ZNF622: variants seen among roughly 807,000 people sequenced by gnomAD.
The protein encoded by ZNF622 is zinc finger protein 622.
In ZNF622, 34 loss-of-function variants were observed where a neutral mutation model predicts 49.7. The ratio of observed to expected loss-of-function variants is 0.68; its 90% confidence interval spans 0.52 to 0.91. The LOEUF (loss-of-function observed/expected upper bound fraction) is 0.91, where lower values mean the gene tolerates loss of function less well. Ranked by LOEUF, ZNF622 falls within the 40% of genes least tolerant of loss-of-function variation. ZNF622 has a pLI of 0.00. For synonymous variants in ZNF622, 209 were observed against 228.7 expected (o/e 0.91, Z 0.78); for missense variants, 569 against 616.4 (o/e 0.92, Z 0.81).
intron 4 of ZNF622, among the ~76,000 whole-genome samples, chr5:16,454,373 A>C (rs887659529): frequency 6.0e-5 from 9 of 150,786 alleles, no homozygotes; most frequent in Non-Finnish European, 7.4e-5. Context: ...CTGTAGTCCC[A>C]GCTACTCGGG....
Position 16,465,082 on chromosome 5 carries a change from T to C in ZNF622, c.584A>G (p.Glu195Gly). ...QQAKKLAKQQ[E>G]EDSEEEEEDL... The stretch of plus-strand genomic sequence containing the variant: ...CTCTTCCTCCTCCTCGCTGTCCTCC[T>C]CCTGCTGCTTTGCCAACTTCTTCGC... Residue 195 changes from glutamate (E) to glycine (G), a missense_variant, in exon 1 of 6, where the codon GAG becomes GGG. Glu to Gly is a moderately conservative substitution (Grantham distance 98). Coordinates refer to ENST00000308683, the MANE Select transcript of ZNF622 (RefSeq NM_033414.3). The surrounding 1 kb of genome is among the most constrained non-coding windows in gnomAD (Gnocchi z 6.2). The C allele has an allele frequency of 1.2e-6, 2 of 1,610,386 alleles. No homozygotes were observed. Among genetic ancestry groups the C allele is most frequent in the South Asian group, 2.2e-5 (2 of 90,744 alleles).
At position 16,463,835 on chromosome 5, in the gene ZNF622, T is replaced by C. The variant is rs559261085; in HGVS notation, c.626-93A>G. 3.4e-5 allele frequency: 47 copies of C among 1,383,198 alleles called. No individual in the cohort carries two copies. In the African/African-American group the frequency reaches 3.7e-4, roughly 11 times the overall value. The allele number at this position is 1,383,198 out of a possible 1,614,324, so 85.7% of individuals were successfully genotyped here. A position where few individuals can be genotyped will look rare whatever the true frequency, so the allele number is the denominator to read the frequency against. ...TCACGAGGTGATACAGTCCTATATT[T>C]GGAGAAACAGCCACACCCCAACTCC... On this transcript the variant is annotated intron_variant, in intron 1 of 5. Transcript: ENST00000308683. The surrounding 1 kb of genome is among the most constrained non-coding windows in gnomAD (Gnocchi z 4.2).
intron 5 of ZNF622, among the ~76,000 whole-genome samples, chr5:16,452,477 T>C (rs1297982526): frequency 1.3e-5 from 2 of 152,236 alleles, no homozygotes; most frequent in Non-Finnish European, 2.9e-5. Context: ...GACTGATAGC[T>C]AACCTCGACT....
At chr5:16,459,754 T>A (rs542876796) in intron 3 of ZNF622, among the ~76,000 whole-genome samples, 4 of 152,276 alleles carry the variant, frequency 2.6e-5, no homozygotes. Flanking sequence ...AACATAAAGT[T>A]GAGCAAAAGA....
chr5:16,452,351 C>A (rs575519568), intron 5 of ZNF622, among the ~76,000 whole-genome samples: 1 of 152,324 alleles, frequency 6.6e-6, no homozygotes, highest in African/African-American at 2.4e-5. Context: ...GCAGACACAT[C>A]AGAATAGATG....
In ZNF622 at chr5:16,455,335, GTTATT is replaced by G. The variant is rs1164177529; in HGVS notation, c.1163-2184_1163-2180del. 7.2e-5 allele frequency among the ~76,000 whole-genome samples: 11 copies of G among 152,190 alleles called. No individual in the cohort carries two copies. In the East Asian group the frequency reaches 1.9e-3, roughly 27 times the overall value. On this transcript the variant is annotated intron_variant, in intron 4 of 5. Coordinates refer to ENST00000308683, the MANE Select transcript of ZNF622 (RefSeq NM_033414.3). Reference sequence around the variant, plus strand: ...CAATTTGCATAAGAAAATTATTTTGGTTATTTTAAGTCCCTATACCTGCCAAAATA... The same window carrying G: ...CAATTTGCATAAGAAAATTATTTTGGTTAAGTCCCTATACCTGCCAAAATA...
chr5:16,463,684 G>C lies in ZNF622; in HGVS notation c.684C>G (p.Asp228Glu), dbSNP rs961943821. The change falls in exon 2 of 6, where the codon GAC (aspartate) becomes GAG (glutamate). Residue 228 changes from aspartate (D) to glutamate (E), a missense_variant. Coordinates refer to ENST00000308683, the MANE Select transcript of ZNF622 (RefSeq NM_033414.3). This position sits in a 1 kb window ranked among gnomAD's most constrained non-coding sequence, Gnocchi z 4.2. ...CCTCTGCATCCTGCTCCACCACATC[G>C]TCCATTGCTTCAGTATCCTCACATT... ...ELECEDTEAM[D>E]DVVEQDAEEE... 21 of 1,614,170 alleles carry C rather than the reference G, an allele frequency of 1.3e-5. No individual in the cohort carries two copies. Among genetic ancestry groups the C allele is most frequent in the Non-Finnish European group, 1.7e-5 (20 of 1,180,022 alleles).
At position 16,465,562 on chromosome 5, in the gene ZNF622, T is replaced by C. The variant is rs768963998; in HGVS notation, c.104A>G (p.Lys35Arg). 1.9e-6 allele frequency: 3 copies of C among 1,613,742 alleles called. No individual in the cohort carries two copies. The highest frequency in any genetic ancestry group is 2.7e-5 in the African/African-American group (2 of 75,054). ...GGTCACTGGGGCCATGCTGGCCACCTTCCGCCGCAGGTTGTAGCGGTGCCA... is the reference window on the plus strand; with the variant it reads ...GGTCACTGGGGCCATGCTGGCCACCCTCCGCCGCAGGTTGTAGCGGTGCCA... Reference protein sequence around the residue: ...TDWHRYNLRRKVASMAPVTAE... With the variant: ...TDWHRYNLRRRVASMAPVTAE... Residue 35 changes from lysine (K) to arginine (R), a missense_variant, in exon 1 of 6, where the codon AAG becomes AGG. Physicochemically the swap from Lys to Arg is conservative, Grantham distance 26. Coordinates refer to ENST00000308683, the MANE Select transcript of ZNF622 (RefSeq NM_033414.3). The surrounding 1 kb of genome is among the most constrained non-coding windows in gnomAD (Gnocchi z 6.2).
rs753678702 is a variant in ZNF622, at chr5:16,465,275, C to G, written c.391G>C (p.Ala131Pro). ...DSVDKDAMNA[A>P]IQQAIKAQPS... The stretch of plus-strand genomic sequence containing the variant: ...TGGGCCTTGATGGCCTGCTGGATGG[C>G]CGCGTTCATGGCATCCTTGTCCACA... The change falls in exon 1 of 6, where the codon GCC becomes CCC. Residue 131 changes from alanine (A) to proline (P), a missense_variant. Ala to Pro is a conservative substitution (Grantham distance 27, BLOSUM62 -1). Transcript: ENST00000308683. This position sits in a 1 kb window ranked among gnomAD's most constrained non-coding sequence, Gnocchi z 6.2. 2.4e-5 allele frequency: 39 copies of G among 1,614,120 alleles called. No individual in the cohort carries two copies. The highest frequency in any genetic ancestry group is 3.2e-5 in the Non-Finnish European group (38 of 1,180,044).
chr5:16,454,344 C>T (rs576673779), intron 4 of ZNF622, among the ~76,000 whole-genome samples: 2 of 151,918 alleles, frequency 1.3e-5, no homozygotes, highest in Middle Eastern at 6.8e-3. Flanking sequence ...AAAAATTAGC[C>T]GGGCGTGGTG....
At chr5:16,464,058 T>C (rs574989524) in intron 1 of ZNF622, among the ~76,000 whole-genome samples, 1 of 152,224 alleles carries the variant, frequency 6.6e-6, no homozygotes, top group Non-Finnish European at 1.5e-5. Context: ...GATATTTTTA[T>C]AAACTTCTAA....
At chr5:16,462,672 G>C (rs1424291404) in intron 3 of ZNF622, among the ~76,000 whole-genome samples, 21 of 152,126 alleles carry the variant, frequency 1.4e-4, no homozygotes, top group Admixed American at 1.4e-3. Flanking sequence ...AAAGATTCTA[G>C]TTAGGGGTGA....
Position 16,463,534 on chromosome 5 carries a change from A to G in ZNF622, c.834T>C (p.Phe278=). The part of the protein sequence containing the change: ...VAHMTKDHSF[F]IPDIEYLSDI... ...CTGAAAGATATTCTATATCAGGAAT[A>G]AAGAAACTGTGGTCTTTGGTCATGT... The change falls in exon 2 of 6, where the codon TTT becomes TTC. Residue 278 remains phenylalanine (F), a synonymous_variant. Coordinates refer to ENST00000308683, the MANE Select transcript of ZNF622 (RefSeq NM_033414.3). This position sits in a 1 kb window ranked among gnomAD's most constrained non-coding sequence, Gnocchi z 4.2. 2 of 1,614,160 alleles carry G rather than the reference A, an allele frequency of 1.2e-6. No individual in the cohort carries two copies. Among genetic ancestry groups the G allele is most frequent in the Non-Finnish European group, 1.7e-6 (2 of 1,179,968 alleles).
chr5:16,457,840 C>T (rs957375489), intron 4 of ZNF622, among the ~76,000 whole-genome samples: 5 of 152,202 alleles, frequency 3.3e-5, no homozygotes, highest in South Asian at 2.1e-4. Flanking sequence ...ATCTAACTCA[C>T]GTTGGCCTAT....
rs201733301 is a variant in ZNF622 at position 16,463,474 on chromosome 5, G to A, written c.886+8C>T. ...TTTCCTCATTAAAAGGAAAACTATT[G>A]TACTTACCCAAGTATTTAATCAGTC... On this transcript the variant is annotated splice_region_variant and intron_variant, in intron 2 of 5. Coordinates refer to ENST00000308683, the MANE Select transcript of ZNF622 (RefSeq NM_033414.3). The surrounding 1 kb of genome is among the most constrained non-coding windows in gnomAD (Gnocchi z 4.2). 8 of 1,607,832 alleles carry A rather than the reference G, an allele frequency of 5.0e-6. No homozygotes were observed. Among genetic ancestry groups the A allele is most frequent in the African/African-American group, 4.0e-5 (3 of 74,782 alleles).
intron 5 of ZNF622, among the ~76,000 whole-genome samples, chr5:16,452,077 G>C (rs749877561): frequency 6.6e-6 from 1 of 152,130 alleles, no homozygotes; most frequent in African/African-American, 2.4e-5. Flanking sequence ...TAATCAGAAA[G>C]GCAGAAGCTA....
rs772687863 is a variant in ZNF622 at position 16,458,586 on chromosome 5, C to G, written c.1093G>C (p.Ala365Pro). 1.7e-5 allele frequency: 27 copies of G among 1,613,812 alleles called. No individual in the cohort carries two copies. The highest frequency in any genetic ancestry group is 1.6e-5 in the Non-Finnish European group (19 of 1,179,818). Reference protein sequence around the residue: ...DHKEGEDPNKAEELPSEKNLE... With the variant: ...DHKEGEDPNKPEELPSEKNLE... ...TTCTTTTCTGAGGGCAACTCCTCAG[C>G]CTTATTGGGGTCCTCCCCTTCCTTG... The change falls in exon 4 of 6, where the codon GCT becomes CCT. Residue 365 changes from alanine (A) to proline (P), a missense_variant. Ala to Pro is a conservative substitution (Grantham distance 27). Coordinates refer to ENST00000308683, the MANE Select transcript of ZNF622 (RefSeq NM_033414.3).
At chr5:16,456,218 T>C (rs1448401624) in intron 4 of ZNF622, among the ~76,000 whole-genome samples, 1 of 152,162 alleles carries the variant, frequency 6.6e-6, no homozygotes, top group Non-Finnish European at 1.5e-5. Context: ...GTGATCCTCC[T>C]GCCTTAGCTG....
chr5:16,463,105 T>C lies in ZNF622; in HGVS notation c.1049+3A>G. 1.3e-6 allele frequency: 2 copies of C among 1,598,470 alleles called. No individual in the cohort carries two copies. Among genetic ancestry groups the C allele is most frequent in the Non-Finnish European group, 1.7e-6 (2 of 1,176,194 alleles). On this transcript the variant is annotated splice_donor_region_variant and intron_variant, in intron 3 of 5. Transcript: ENST00000308683. The surrounding 1 kb of genome is among the most constrained non-coding windows in gnomAD (Gnocchi z 4.2). ...TTTACTTCATATTACAAACTATGCT[T>C]ACCTAAAATCATAGAAGTCTGCAAA...
Sources: gnomAD v4.1 joint callset for allele counts (sites outside exome capture counted in the v4.1 genomes callset) on GRCh38, gnomAD v4.1.1 for gene constraint, Gnocchi (gnomAD v3.1) non-coding constraint, MANE v1.5 for transcripts, NCBI Gene and HGNC (gene_info 2026-07-23, HGNC 2026-07-21) for gene names.